Variants in SLC9C2 observed in about 807,000 individuals in gnomAD.
The protein encoded by SLC9C2 is sodium/hydrogen exchanger 11.
A neutral mutation model predicts 140.2 loss-of-function variants in SLC9C2; 75 were observed. The observed-to-expected ratio is 0.53, with a 90% CI of 0.44 to 0.65. The LOEUF (loss-of-function observed/expected upper bound fraction) is 0.65. Ranked by LOEUF, SLC9C2 falls within the 30% of genes least tolerant of loss-of-function variation. The pLI, the probability that SLC9C2 is intolerant of heterozygous loss-of-function variation, is 0.00. For missense variants in SLC9C2, 1,074 were observed against 1,331.8 expected (o/e 0.81, Z 3.01); for synonymous variants, 375 against 420.9 (o/e 0.89, Z 1.34).
chr1:173,601,541 T>C (rs1666784278), intron 2 of SLC9C2, 109 bp downstream of exon 2: 9 of 1,232,736 alleles, frequency 7.3e-6, no homozygotes, highest in Admixed American at 6.8e-5. Flanking sequence ...TCATGTCTTA[T>C]CGTTTCAATG....
intron 25 of SLC9C2, among the ~76,000 whole-genome samples, chr1:173,506,171 A>G (rs1435733232): frequency 2.0e-5 from 3 of 152,254 alleles, no homozygotes; most frequent in African/African-American, 4.8e-5. Context: ...ACAAATTTTC[A>G]TAATGACTTT....
In SLC9C2 at chr1:173,557,310, T is replaced by C. The variant is rs201046133; in HGVS notation, c.1215+30A>G. The stretch of plus-strand genomic sequence containing the variant: ...GCAAGATAAGTAAAAATGATAAATA[T>C]GAATAATCATGAGACATGATCTTTC... On this transcript the variant is annotated intron_variant, in intron 10 of 27. Transcript: ENST00000367714. 4.9e-5 allele frequency: 77 copies of C among 1,579,434 alleles called. No homozygotes were observed. The East Asian group carries it at 1.3e-3, about 27-fold the overall frequency.
rs1481071678 is a variant in SLC9C2, at chr1:173,517,680, C to T, written c.2764G>A (p.Gly922Arg). The T allele has an allele frequency of 1.2e-6, 2 of 1,611,298 alleles. No individual in the cohort carries two copies. Among genetic ancestry groups the T allele is most frequent in the Non-Finnish European group, 1.7e-6 (2 of 1,179,288 alleles). The change falls in exon 23 of 28, where the codon GGA becomes AGA. Residue 922 changes from glycine (G) to arginine (R), a missense_variant. By Grantham distance (125) the Gly-to-Arg change is moderately radical. Transcript: ENST00000367714. Reference protein sequence around the residue: ...AILHSLSPTFGIESNQRCDRG... With the variant: ...AILHSLSPTFRIESNQRCDRG... ...TCACACCTTTGATTACTCTCTATTCCAAAGGTAGGAGATAAACTATGCAAC... is the reference window on the plus strand; with the variant it reads ...TCACACCTTTGATTACTCTCTATTCTAAAGGTAGGAGATAAACTATGCAAC...
chr1:173,514,597 T>C (rs1263903035), intron 23 of SLC9C2, among the ~76,000 whole-genome samples: 2 of 152,208 alleles, frequency 1.3e-5, no homozygotes, highest in Admixed American at 6.5e-5. Context: ...CTTTATCCAA[T>C]TTGCCAGTCT....
At chr1:173,600,037 T>C (rs17350830) in intron 3 of SLC9C2, 80 bp downstream of exon 3, 102,492 of 848,472 alleles carry the variant, frequency 0.12, 7,314 homozygotes, top group Non-Finnish European at 0.15. Flanking sequence ...AAACATTCCA[T>C]GCATTCAGGG....
chr1:173,591,653 C>T (rs1026939787), intron 4 of SLC9C2, among the ~76,000 whole-genome samples: 3 of 151,898 alleles, frequency 2.0e-5, no homozygotes, highest in African/African-American at 7.3e-5. Flanking sequence ...TTCATATGCT[C>T]GTTGGCTGCA....
chr1:173,550,939 A>C, intron 11 of SLC9C2, among the ~76,000 whole-genome samples: 2 of 91,076 alleles, frequency 2.2e-5, no homozygotes, highest in African/African-American at 4.9e-5. Context: ...AGGGGAGGGG[A>C]GGGGAGGGGA....
intron 4 of SLC9C2, among the ~76,000 whole-genome samples, chr1:173,594,017 A>G (rs1218738675): frequency 6.6e-6 from 1 of 152,210 alleles, no homozygotes; most frequent in Non-Finnish European, 1.5e-5. Context: ...AAAAAGAGAC[A>G]ATCTGAAAAG....
chr1:173,519,027 T>C (rs1212574835), intron 22 of SLC9C2, among the ~76,000 whole-genome samples: 1 of 152,076 alleles, frequency 6.6e-6, no homozygotes, highest in Admixed American at 6.5e-5. Context: ...TTTTTGGAGT[T>C]AAGGCTACTA....
At chr1:173,507,068 T>C in intron 24 of SLC9C2, 27 bp from the exon 25 acceptor site, 1 of 1,495,242 alleles carries the variant, frequency 6.7e-7, no homozygotes, top group Non-Finnish European at 9.0e-7. Context: ...TTTTAGAAAA[T>C]AAGTCATACA....
At chr1:173,574,654 G>T (rs1286634794) in intron 8 of SLC9C2, among the ~76,000 whole-genome samples, 9 of 151,710 alleles carry the variant, frequency 5.9e-5, no homozygotes, top group South Asian at 2.1e-4. Context: ...GGGACTACAG[G>T]CACCCGCCAC....
In SLC9C2 at chr1:173,506,900, C is replaced by T. The variant is rs1659678696; in HGVS notation, c.3181G>A (p.Glu1061Lys). Reference sequence around the variant, plus strand: ...ATAATGCAAGGTGCAAAATATGGTTCCTCTGTCTTAGTATCAATTACACTG... The same window carrying T: ...ATAATGCAAGGTGCAAAATATGGTTTCTCTGTCTTAGTATCAATTACACTG... ...YGSVIDTKTE[E>K]PYFAPCIIPT... is the part of the protein sequence containing the mutation. Residue 1061 changes from glutamate to lysine, a missense_variant, in exon 25 of 28, where the codon GAA becomes AAA. Glu to Lys is a moderately conservative substitution (Grantham distance 56). Coordinates refer to ENST00000367714, the MANE Select transcript of SLC9C2 (RefSeq NM_178527.4). The T allele has an allele frequency of 6.2e-7, 1 of 1,613,442 alleles. No individual in the cohort carries two copies. The highest frequency in any genetic ancestry group is 1.1e-5 in the South Asian group (1 of 90,942).
chr1:173,593,790 A>G (rs1048768391), intron 4 of SLC9C2, among the ~76,000 whole-genome samples: 1 of 152,210 alleles, frequency 6.6e-6, no homozygotes, highest in African/African-American at 2.4e-5. Flanking sequence ...AGGGCATTAC[A>G]TAATGGTAAA....
At chr1:173,542,388 G>A (rs1439827196) in intron 13 of SLC9C2, among the ~76,000 whole-genome samples, 3 of 152,086 alleles carry the variant, frequency 2.0e-5, no homozygotes, top group African/African-American at 4.8e-5. Context: ...ACCAAAAAAA[G>A]TCCAAGACCA....
At chr1:173,579,540 C>T (rs1366434539) in intron 7 of SLC9C2, among the ~76,000 whole-genome samples, 4 of 152,136 alleles carry the variant, frequency 2.6e-5, no homozygotes, top group Non-Finnish European at 5.9e-5. Flanking sequence ...CTGCGATCTC[C>T]ACCTCCTAAA....
At chr1:173,540,997 A>C (rs1386819125) in intron 13 of SLC9C2, among the ~76,000 whole-genome samples, 4 of 152,222 alleles carry the variant, frequency 2.6e-5, no homozygotes, top group Admixed American at 1.3e-4. Flanking sequence ...TCAAATTCAC[A>C]TATAACAATA....
intron 4 of SLC9C2, among the ~76,000 whole-genome samples, chr1:173,593,260 G>A (rs959059142): frequency 6.6e-6 from 1 of 152,180 alleles, no homozygotes; most frequent in Non-Finnish European, 1.5e-5. Context: ...GGTGGCTTAT[G>A]CCTGTAATCC....
At chr1:173,585,008 A>T (rs1424139134) in intron 5 of SLC9C2, among the ~76,000 whole-genome samples, 1 of 152,206 alleles carries the variant, frequency 6.6e-6, no homozygotes, top group Non-Finnish European at 1.5e-5. Flanking sequence ...ATCTTCTATA[A>T]TTCTATGATG....
intron 9 of SLC9C2, among the ~76,000 whole-genome samples, chr1:173,568,740 C>T (rs1664658610): frequency 1.3e-5 from 2 of 152,044 alleles, no homozygotes; most frequent in Admixed American, 6.6e-5. Context: ...TTCCATGTAC[C>T]CACTATTACC....
Sources: allele counts gnomAD v4.1 joint callset (sites outside exome capture counted in the v4.1 genomes callset), GRCh38; gene constraint gnomAD v4.1.1; transcripts MANE v1.5; gene names NCBI Gene and HGNC (gene_info 2026-07-23, HGNC 2026-07-21).